SYNDIG1: variants seen among roughly 807,000 people sequenced by gnomAD.
SYNDIG1 encodes synapse differentiation-inducing gene protein 1.
SYNDIG1 carries 9 observed loss-of-function variants against 19.4 expected under a neutral mutation model. The observed-to-expected ratio is 0.46, with a 90% confidence interval of 0.28 to 0.81. The LOEUF (loss-of-function observed/expected upper bound fraction) is 0.81. Among genes scored for constraint, SYNDIG1 ranks in the 30% least tolerant of loss-of-function variants. The pLI is 0.12. For synonymous variants in SYNDIG1, 141 were observed against 145.9 expected, an observed-to-expected ratio of 0.97 and a Z score of 0.24; for missense variants, 311 against 343.3, an observed-to-expected ratio of 0.91 and a Z score of 0.74.
In SYNDIG1 at chr20:24,663,197, C is replaced by A. The variant is rs145935460; in HGVS notation, c.619-2149C>A. On this transcript the variant is annotated intron_variant, in intron 3 of 3. Coordinates refer to ENST00000376862, the MANE Select transcript of SYNDIG1 (RefSeq NM_024893.3). ...AGATGCCGAGTGACGTTGCTGAAGG[C>A]AGCCTGCTTGCTAAGGCTGCATCTG... is the stretch of plus-strand genomic sequence containing the variant. 3.1e-3 allele frequency among the ~76,000 whole-genome samples: 468 copies of A among 152,326 alleles called. 3 individuals carry two copies. The highest frequency in any genetic ancestry group is 5.7e-3 in the Non-Finnish European group (387 of 68,022).
intron 2 of SYNDIG1, among the ~76,000 whole-genome samples, chr20:24,570,353 G>A (rs2146937676): frequency 6.6e-6 from 1 of 152,302 alleles, no homozygotes; most frequent in South Asian, 2.1e-4. Flanking sequence ...ACTGTCAAAT[G>A]ATGAAAAGAC....
intron 3 of SYNDIG1, among the ~76,000 whole-genome samples, chr20:24,618,389 G>A (rs1415649658): frequency 1.3e-5 from 2 of 151,956 alleles, no homozygotes; most frequent in African/African-American, 2.4e-5. Context: ...TCCCTGGGGA[G>A]GGCCCAGGGA....
chr20:24,488,994 G>T (rs901081232), intron 1 of SYNDIG1, among the ~76,000 whole-genome samples: 5 of 152,176 alleles, frequency 3.3e-5, no homozygotes, highest in East Asian at 1.9e-4. Context: ...CCCCACTGTG[G>T]CTGAGCCCTG....
chr20:24,562,642 A>G (rs945536936), intron 2 of SYNDIG1, among the ~76,000 whole-genome samples: 2 of 152,194 alleles, frequency 1.3e-5, no homozygotes, highest in African/African-American at 4.8e-5. Context: ...CTCTGAAACA[A>G]TGTGATAAGA....
At chr20:24,618,104 G>A (rs552963945) in intron 3 of SYNDIG1, among the ~76,000 whole-genome samples, 1 of 143,674 alleles carries the variant, frequency 7.0e-6, no homozygotes, top group South Asian at 2.3e-4. Context: ...AACCCGGGGA[G>A]TGGGGAAAGC....
intron 2 of SYNDIG1, among the ~76,000 whole-genome samples, chr20:24,544,583 G>A (rs193178161): frequency 5.6e-4 from 85 of 152,318 alleles, no homozygotes; most frequent in African/African-American, 2.0e-3. Context: ...TGGGGAGGCA[G>A]GAGCTGAACT....
At chr20:24,502,301 G>C (rs1442756615) in intron 1 of SYNDIG1, 1 of 152,266 alleles carries the variant, frequency 6.6e-6, no homozygotes, top group Non-Finnish European at 1.5e-5. Context: ...GAAGCAGCAG[G>C]CCTGTTCTGC....
chr20:24,557,153 C>T (rs1470194537), intron 2 of SYNDIG1, among the ~76,000 whole-genome samples: 1 of 152,058 alleles, frequency 6.6e-6, no homozygotes, highest in Non-Finnish European at 1.5e-5. Flanking sequence ...GCTTTCAGCT[C>T]CATCAGCTCC....
chr20:24,507,932 A>G (rs1253133574), intron 1 of SYNDIG1, among the ~76,000 whole-genome samples: 1 of 152,110 alleles, frequency 6.6e-6, no homozygotes, highest in African/African-American at 2.4e-5. Context: ...CTGCGCAGGG[A>G]AGCTGCCTTC....
chr20:24,627,175 G>A (rs1197493275), intron 3 of SYNDIG1, among the ~76,000 whole-genome samples: 1 of 149,864 alleles, frequency 6.7e-6, no homozygotes, highest in Non-Finnish European at 1.5e-5. Flanking sequence ...GAGCGAGAGC[G>A]AGAGCGAGAG....
rs545153959 is a variant in SYNDIG1, at chr20:24,654,253, A to G, written c.619-11093A>G. Among the ~76,000 whole-genome samples the G allele has an allele frequency of 1.9e-4, 27 of 143,720 alleles. No homozygotes were observed. In the South Asian group the frequency reaches 4.0e-3, roughly 22 times the overall value. The allele number at this position is 143,720 out of a possible 152,430, so 94.3% of individuals were successfully genotyped here. ...ACACTTGAGAGCGCCTCTACCATGG[A>G]AAAAAAAAAATGAAACCTGAACAAA... On this transcript the variant is annotated intron_variant, in intron 3 of 3. Transcript: ENST00000376862.
chr20:24,501,711 G>T (rs1600452050), intron 1 of SYNDIG1, among the ~76,000 whole-genome samples: 1 of 152,356 alleles, frequency 6.6e-6, no homozygotes, highest in African/African-American at 2.4e-5. Context: ...TTCATGGTAA[G>T]CTTAGTCCCT....
chr20:24,633,365 G>A lies in SYNDIG1; in HGVS notation c.619-31981G>A, dbSNP rs187848022. 1.8e-4 allele frequency among the ~76,000 whole-genome samples: 27 copies of A among 152,310 alleles called. No homozygotes were observed. The East Asian group carries it at 4.2e-3, about 24-fold the overall frequency. On this transcript the variant is annotated intron_variant, in intron 3 of 3. Coordinates refer to ENST00000376862, the MANE Select transcript of SYNDIG1 (RefSeq NM_024893.3). ...AGCCCGAAGGCCCACAGTGGAGTGC[G>A]TGATGCCCCTGCTGTGCCCCTCCTG...
chr20:24,574,634 A>G (rs1177902778), intron 2 of SYNDIG1, among the ~76,000 whole-genome samples: 1 of 152,196 alleles, frequency 6.6e-6, no homozygotes, highest in Admixed American at 6.5e-5. Context: ...TTCTTATCCT[A>G]CTCTAACCAT....
At chr20:24,479,533 C>G (rs2055736019) in intron 1 of SYNDIG1, among the ~76,000 whole-genome samples, 1 of 152,164 alleles carries the variant, frequency 6.6e-6, no homozygotes, top group Admixed American at 6.5e-5. Context: ...ATGCCCCTTC[C>G]TCTGATAATG....
chr20:24,605,418 TC>T (rs904764826), intron 3 of SYNDIG1, among the ~76,000 whole-genome samples: 3 of 152,158 alleles, frequency 2.0e-5, no homozygotes, highest in African/African-American at 7.2e-5. Context: ...ATGGTATCTC[TC>T]CTCTCTCTCT....
chr20:24,512,553 G>A (rs1056551447), intron 1 of SYNDIG1, among the ~76,000 whole-genome samples: 2 of 152,192 alleles, frequency 1.3e-5, no homozygotes, highest in African/African-American at 2.4e-5. Flanking sequence ...TAGCACAGTA[G>A]TCTGAGATCA....
intron 3 of SYNDIG1, among the ~76,000 whole-genome samples, chr20:24,599,582 G>A (rs75286471): frequency 3.4e-4 from 52 of 152,214 alleles, no homozygotes; most frequent in East Asian, 7.7e-4. Flanking sequence ...GGAATCAACC[G>A]AAGTGCCAAT....
chr20:24,589,839 G>A (rs1600697181), intron 3 of SYNDIG1, among the ~76,000 whole-genome samples: 1 of 152,208 alleles, frequency 6.6e-6, no homozygotes, highest in African/African-American at 2.4e-5. Context: ...GGAAAAAAGA[G>A]AATCTTTTTA....
Sources: gnomAD v4.1 joint callset for allele counts (sites outside exome capture counted in the v4.1 genomes callset) on GRCh38, gnomAD v4.1.1 for gene constraint, MANE v1.5 for transcripts, NCBI Gene and HGNC (gene_info 2026-07-23, HGNC 2026-07-21) for gene names.